FOSL2: variants seen among roughly 807,000 people sequenced by gnomAD.
FOSL2 encodes fos-related antigen 2.
Under a neutral mutation model 27.7 loss-of-function variants are expected in FOSL2, and 3 were observed. The ratio of observed to expected loss-of-function variants is 0.11; its 90% confidence interval spans 0.05 to 0.28. The LOEUF is 0.28. Among genes scored for constraint, FOSL2 ranks in the 10% least tolerant of loss-of-function variants. The pLI is 1.00. For missense variants in FOSL2, 333 were observed against 445.1 expected (o/e 0.75, Z 2.27); for synonymous variants, 179 against 190.1 (o/e 0.94, Z 0.48).
At position 28,400,412 on chromosome 2, in the gene FOSL2, C is replaced by A. The variant is rs184166878; in HGVS notation, c.103-3695C>A. Among the ~76,000 whole-genome samples the A allele has an allele frequency of 1.2e-3, 179 of 152,186 alleles. 4 individuals are homozygous for A. In the East Asian group the frequency reaches 0.028, roughly 23 times the overall value. On this transcript the variant is annotated intron_variant, in intron 1 of 3. Transcript: ENST00000264716. ...TCCTAACTTCACCTCTTCTCTCCTA[C>A]CCCAGTGTCTGAATAACACGTTTCT...
At position 28,416,622 on chromosome 2, in the gene FOSL2, C is replaced by T. The variant is rs1388037400; in HGVS notation, c.*4174C>T. On this transcript the variant is annotated 3_prime_UTR_variant, in exon 4 of 4. Transcript: ENST00000264716. ...CCAAGACATCTACATTGTAAGAGAA[C>T]ACAGTGGAAGATCCTGTCCTGATTC... 1 of 152,090 alleles carries T rather than the reference C, an allele frequency of 6.6e-6. No individual in the cohort carries two copies. 9.4% of individuals were successfully genotyped at this position (152,090 alleles called of 1,614,324 possible).
chr2:28,393,160 A>C lies in FOSL2; in HGVS notation c.-561A>C. On this transcript the variant is annotated 5_prime_UTR_variant, in exon 1 of 4. Transcript: ENST00000264716. This position sits in a 1 kb window ranked among gnomAD's most constrained non-coding sequence, Gnocchi z 4.6. ...GCACGCCGCCTTCTCCTAGTCAAGTATCCGAGCCGCCCCGAAACTCGGGCG... is the reference window on the plus strand; with the variant it reads ...GCACGCCGCCTTCTCCTAGTCAAGTCTCCGAGCCGCCCCGAAACTCGGGCG... 3.6e-6 allele frequency: 1 copy of C among 281,340 alleles called. No individual in the cohort carries two copies. The highest frequency in any genetic ancestry group is 2.2e-5 in the African/African-American group (1 of 44,812). The allele number at this position is 281,340 out of a possible 1,614,324, so 17.4% of individuals were successfully genotyped here.
Position 28,392,868 on chromosome 2 carries a change from A to G in FOSL2, c.-853A>G. ...TGAACTCGTGCCATTGTAGTGACTC[A>G]TCTCGGGCAGAGCGCTAGGGCTCCG... On this transcript the variant is annotated 5_prime_UTR_variant, in exon 1 of 4. Transcript: ENST00000264716. 1 of 715,342 alleles carries G rather than the reference A, an allele frequency of 1.4e-6. No homozygotes were observed. Among genetic ancestry groups the G allele is most frequent in the South Asian group, 1.5e-5 (1 of 67,508 alleles). 44.3% of individuals were successfully genotyped at this position (715,342 alleles called of 1,614,324 possible). A position where few individuals can be genotyped will look rare whatever the true frequency, so the allele number is the denominator to read the frequency against.
chr2:28,402,332 C>T (rs1663990016), intron 1 of FOSL2, among the ~76,000 whole-genome samples: 1 of 152,266 alleles, frequency 6.6e-6, no homozygotes, highest in South Asian at 2.1e-4. Context: ...AGCCCTTGGC[C>T]TGGGCCCCCG....
chr2:28,394,833 C>T (rs1242191127), intron 1 of FOSL2, among the ~76,000 whole-genome samples: 1 of 152,150 alleles, frequency 6.6e-6, no homozygotes, highest in Non-Finnish European at 1.5e-5. Flanking sequence ...TGAAGCCCAC[C>T]GTGGTCAGCA....
intron 1 of FOSL2, among the ~76,000 whole-genome samples, chr2:28,398,707 C>A (rs1371863591): frequency 6.6e-6 from 1 of 152,212 alleles, no homozygotes; most frequent in Non-Finnish European, 1.5e-5. Context: ...TGAAGGGAGG[C>A]GAGTCACCTA....
Position 28,393,541 on chromosome 2 carries a change from TC to T in FOSL2, c.-178del, listed in dbSNP as rs934815750. 7 of 573,540 alleles carry T rather than the reference TC, an allele frequency of 1.2e-5. No individual in the cohort carries two copies. The highest frequency in any genetic ancestry group is 2.2e-5 in the Non-Finnish European group (7 of 323,238). 35.5% of individuals were successfully genotyped at this position (573,540 alleles called of 1,614,324 possible). On this transcript the variant is annotated 5_prime_UTR_variant, in exon 1 of 4. Coordinates refer to ENST00000264716, the MANE Select transcript of FOSL2 (RefSeq NM_005253.4). This position sits in a 1 kb window ranked among gnomAD's most constrained non-coding sequence, Gnocchi z 4.6. ...GTAAGGGACGCTCGGGGGACGCTGT[TC>T]CTGAGGTGTCGCCGCCTCCCTGTCC...
intron 1 of FOSL2, among the ~76,000 whole-genome samples, chr2:28,400,927 T>A (rs1351773680): frequency 6.6e-6 from 1 of 152,182 alleles, no homozygotes; most frequent in Non-Finnish European, 1.5e-5. Flanking sequence ...TTTGTTGGAA[T>A]GAGGAGTGAC....
intron 2 of FOSL2, among the ~76,000 whole-genome samples, chr2:28,406,480 C>T (rs1242310217): frequency 1.3e-5 from 2 of 152,242 alleles, no homozygotes; most frequent in African/African-American, 2.4e-5. Flanking sequence ...GACAAGGAAA[C>T]GGAGACCCAG....
At chr2:28,397,544 A>G (rs1302678392) in intron 1 of FOSL2, among the ~76,000 whole-genome samples, 2 of 152,196 alleles carry the variant, frequency 1.3e-5, no homozygotes, top group Non-Finnish European at 2.9e-5. Flanking sequence ...GCAGTCATGT[A>G]TTGTCTGAAA....
At chr2:28,409,702 A>C (rs907074368) in intron 3 of FOSL2, among the ~76,000 whole-genome samples, 1 of 152,224 alleles carries the variant, frequency 6.6e-6, no homozygotes, top group Non-Finnish European at 1.5e-5. Flanking sequence ...GTGACTGCCC[A>C]GGATGGGGCT....
At chr2:28,399,485 C>T (rs368567055) in intron 1 of FOSL2, among the ~76,000 whole-genome samples, 3 of 152,266 alleles carry the variant, frequency 2.0e-5, no homozygotes, top group Non-Finnish European at 4.4e-5. Flanking sequence ...TGTTTTCGGC[C>T]GTCTTTCTCA....
rs771370706 is a variant in FOSL2, at chr2:28,412,308, G to A, written c.841G>A (p.Val281Ile). The A allele has an allele frequency of 4.3e-6, 7 of 1,613,888 alleles. No individual in the cohort carries two copies. Among genetic ancestry groups the A allele is most frequent in the Admixed American group, 3.3e-5 (2 of 59,998 alleles). ...TGTCACTCCGGGCACCTCGAACCTC[G>A]TCTTCACCTATCCTAGCGTCCTGGA... ...PAVTPGTSNL[V>I]FTYPSVLEQE... The change falls in exon 4 of 4, where the codon GTC becomes ATC. Residue 281 changes from valine (V) to isoleucine (I), a missense_variant. By Grantham distance (29) the Val-to-Ile change is conservative. Transcript: ENST00000264716. The surrounding 1 kb of genome is among the most constrained non-coding windows in gnomAD (Gnocchi z 7.1).
intron 3 of FOSL2, among the ~76,000 whole-genome samples, 176 bp downstream of exon 3, chr2:28,409,042 A>AAGAG (rs367773143): frequency 4.0e-5 from 6 of 151,854 alleles, no homozygotes; most frequent in Non-Finnish European, 7.4e-5. Context: ...GTTGATTGAA[A>AAGAG]AGAGAGAGAG....
chr2:28,413,994 T>C lies in FOSL2; in HGVS notation c.*1546T>C. The C allele has an allele frequency of 2.5e-6, 1 of 396,260 alleles. No individual in the cohort carries two copies. Among genetic ancestry groups the C allele is most frequent in the Non-Finnish European group, 4.4e-6 (1 of 225,140 alleles). The allele number at this position is 396,260 out of a possible 1,614,324, so 24.5% of individuals were successfully genotyped here. ...CAGCAGGGTCCCTGCTGCCCACCCC[T>C]CTGAGCCTTTTCTCCCCAGGGTATG... is the stretch of plus-strand genomic sequence containing the variant. On this transcript the variant is annotated 3_prime_UTR_variant, in exon 4 of 4. Coordinates refer to ENST00000264716, the MANE Select transcript of FOSL2 (RefSeq NM_005253.4).
chr2:28,393,476 A>C lies in FOSL2; in HGVS notation c.-245A>C. On this transcript the variant is annotated 5_prime_UTR_variant, in exon 1 of 4. Transcript: ENST00000264716. This position sits in a 1 kb window ranked among gnomAD's most constrained non-coding sequence, Gnocchi z 4.6. The stretch of plus-strand genomic sequence containing the variant: ...TTTTAGAGGGAGGGATCGGGTGGAC[A>C]ACTGGTCCCGCGGCGCTCGCAGAGC... 1 of 475,100 alleles carries C rather than the reference A, an allele frequency of 2.1e-6. No individual in the cohort carries two copies. The highest frequency in any genetic ancestry group is 3.7e-6 in the Non-Finnish European group (1 of 267,516). The allele number at this position is 475,100 out of a possible 1,614,324, so 29.4% of individuals were successfully genotyped here. A position where few individuals can be genotyped will look rare whatever the true frequency, so the allele number is the denominator to read the frequency against.
intron 1 of FOSL2, among the ~76,000 whole-genome samples, chr2:28,400,047 C>G (rs932343946): frequency 2.6e-5 from 4 of 152,278 alleles, no homozygotes; most frequent in Middle Eastern, 3.4e-3. Flanking sequence ...GACAGGGTGA[C>G]ACAGTGAAAT....
Position 28,393,361 on chromosome 2 carries a change from T to G in FOSL2, c.-360T>G. 1 of 243,778 alleles carries G rather than the reference T, an allele frequency of 4.1e-6. No homozygotes were observed. Among genetic ancestry groups the G allele is most frequent in the Non-Finnish European group, 7.8e-6 (1 of 127,830 alleles). The allele number at this position is 243,778 out of a possible 1,614,324, so 15.1% of individuals were successfully genotyped here. The stretch of plus-strand genomic sequence containing the variant: ...CTAATCTTTTTTTTAATTTCCAATT[T>G]TTGATTGGGCCGTGGGTCCCCGCTG... On this transcript the variant is annotated 5_prime_UTR_variant, in exon 1 of 4. Coordinates refer to ENST00000264716, the MANE Select transcript of FOSL2 (RefSeq NM_005253.4). This position sits in a 1 kb window ranked among gnomAD's most constrained non-coding sequence, Gnocchi z 4.6.
chr2:28,411,870 C>G, intron 3 of FOSL2, 60 bp from the exon 4 acceptor site: 1 of 1,588,962 alleles, frequency 6.3e-7, no homozygotes, highest in Non-Finnish European at 8.6e-7. Context: ...TTTTCTCTTT[C>G]CTGCCTAGAT....
Sources: allele counts gnomAD v4.1 joint callset (sites outside exome capture counted in the v4.1 genomes callset), GRCh38; gene constraint gnomAD v4.1.1; non-coding constraint Gnocchi (gnomAD v3.1); transcripts MANE v1.5; gene names NCBI Gene and HGNC (gene_info 2026-07-23, HGNC 2026-07-21).